DLG2: variants seen among roughly 807,000 people sequenced by gnomAD.
The protein encoded by DLG2 is disks large homolog 2.
DLG2 carries 45 observed loss-of-function variants against 132.5 expected under a neutral mutation model. That is an observed-to-expected ratio of 0.34 (90% CI 0.27 to 0.44). DLG2 has a LOEUF of 0.44. DLG2 is among the 20% of genes least tolerant of loss of function. DLG2 has a pLI of 1.00. For synonymous variants in DLG2, 424 were observed against 419.6 expected, an observed-to-expected ratio of 1.01 and a Z score of -0.13; for missense variants, 1,045 against 1,196.9, an observed-to-expected ratio of 0.87 and a Z score of 1.87.
intron 8 of DLG2, among the ~76,000 whole-genome samples, chr11:84,192,864 T>G (rs2096440783): frequency 6.6e-6 from 1 of 152,210 alleles, no homozygotes. Flanking sequence ...ATGAATACAA[T>G]ACATATTCCT....
At chr11:85,063,088 T>C (rs1658431072) in intron 6 of DLG2, among the ~76,000 whole-genome samples, 2 of 151,880 alleles carry the variant, frequency 1.3e-5, no homozygotes, top group Non-Finnish European at 2.9e-5. Flanking sequence ...CTGAGTTTAC[T>C]GCACAGATTC....
chr11:84,115,834 T>C (rs971476966), intron 9 of DLG2, among the ~76,000 whole-genome samples: 1 of 152,192 alleles, frequency 6.6e-6, no homozygotes, highest in Non-Finnish European at 1.5e-5. Context: ...TAACTGCATA[T>C]ATATTGTATG....
At chr11:84,035,606 CTGGCAAACTA>C (rs1327186375) in intron 11 of DLG2, among the ~76,000 whole-genome samples, 7 of 152,232 alleles carry the variant, frequency 4.6e-5, no homozygotes, top group Non-Finnish European at 7.4e-5. Context: ...TAGCCAGGGG[CTGGCAAACTA>C]TGGTAAGGCT....
chr11:84,592,836 G>T (rs959681928), intron 6 of DLG2, among the ~76,000 whole-genome samples: 2 of 145,232 alleles, frequency 1.4e-5, no homozygotes, highest in African/African-American at 5.1e-5. Flanking sequence ...AGGATTACAG[G>T]CCTGTAATCC....
intron 6 of DLG2, among the ~76,000 whole-genome samples, chr11:84,737,977 T>C (rs1668434681): frequency 6.6e-6 from 1 of 152,094 alleles, no homozygotes; most frequent in Non-Finnish European, 1.5e-5. Context: ...TTGGGGATTT[T>C]ATTTGTTTGT....
chr11:84,856,785 T>C (rs2082842352), intron 6 of DLG2, among the ~76,000 whole-genome samples: 1 of 152,058 alleles, frequency 6.6e-6, no homozygotes, highest in Non-Finnish European at 1.5e-5. Flanking sequence ...CCTCTCCTAG[T>C]GTCTGCCTTC....
chr11:84,744,230 T>C (rs1454674466), intron 6 of DLG2, among the ~76,000 whole-genome samples: 2 of 152,190 alleles, frequency 1.3e-5, no homozygotes. Context: ...TATTGAATAA[T>C]GAGAAAATGA....
intron 7 of DLG2, among the ~76,000 whole-genome samples, chr11:84,375,473 T>G (rs756078207): frequency 6.6e-5 from 10 of 152,156 alleles, no homozygotes; most frequent in Non-Finnish European, 1.2e-4. Context: ...ACTTTACATT[T>G]AGTTTTTTAT....
chr11:84,816,631 A>C (rs1482594811), intron 6 of DLG2, among the ~76,000 whole-genome samples: 2 of 151,944 alleles, frequency 1.3e-5, no homozygotes, highest in Non-Finnish European at 2.9e-5. Flanking sequence ...CCTGCAAGAA[A>C]GCTGTTATTA....
At chr11:85,466,265 G>A (rs1357492716) in intron 3 of DLG2, among the ~76,000 whole-genome samples, 1 of 152,188 alleles carries the variant, frequency 6.6e-6, no homozygotes, top group Non-Finnish European at 1.5e-5. Context: ...TAGGTTGCCT[G>A]TTCACTCTGA....
intron 6 of DLG2, among the ~76,000 whole-genome samples, chr11:84,768,746 G>A (rs11234166): frequency 6.6e-6 from 1 of 151,900 alleles, no homozygotes; most frequent in African/African-American, 2.4e-5. Context: ...ATTAGAAATT[G>A]GTGGATTCTA....
chr11:84,475,895 A>G (rs1413280974), intron 7 of DLG2, among the ~76,000 whole-genome samples: 1 of 151,988 alleles, frequency 6.6e-6, no homozygotes. Context: ...AGGGGAGGTT[A>G]TATTTTTCCA....
chr11:84,937,191 T>A (rs1247612101), intron 6 of DLG2, among the ~76,000 whole-genome samples: 1 of 152,132 alleles, frequency 6.6e-6, no homozygotes, highest in East Asian at 1.9e-4. Flanking sequence ...TAGATAACTG[T>A]TAGATAAGAA....
intron 16 of DLG2, among the ~76,000 whole-genome samples, chr11:83,864,740 T>C (rs2062005064): frequency 6.6e-6 from 1 of 152,120 alleles, no homozygotes; most frequent in South Asian, 2.1e-4. Flanking sequence ...AACTCTCTTA[T>C]AATTGGTCAG....
chr11:84,058,229 AT>A (rs1178590550), intron 11 of DLG2, among the ~76,000 whole-genome samples: 2 of 152,152 alleles, frequency 1.3e-5, no homozygotes, highest in Non-Finnish European at 2.9e-5. Context: ...TACAGTGATT[AT>A]TTGGTCAAAA....
intron 6 of DLG2, among the ~76,000 whole-genome samples, chr11:84,562,178 G>C (rs1239817123): frequency 1.5e-5 from 2 of 133,890 alleles, no homozygotes; most frequent in African/African-American, 5.3e-5. Flanking sequence ...TCAGTCCCCT[G>C]TCTATGAGAA....
chr11:83,878,606 G>A (rs1313748502), intron 15 of DLG2, among the ~76,000 whole-genome samples: 3 of 152,054 alleles, frequency 2.0e-5, no homozygotes, highest in Admixed American at 6.6e-5. Context: ...CAACTTCCAC[G>A]TCAGTGACTT....
At chr11:85,481,206 G>A (rs960345747) in intron 3 of DLG2, among the ~76,000 whole-genome samples, 2 of 152,148 alleles carry the variant, frequency 1.3e-5, no homozygotes, top group Non-Finnish European at 2.9e-5. Flanking sequence ...TACACATAAC[G>A]TGCTCAAATG....
chr11:85,389,492 A>T (rs2086622452), intron 3 of DLG2, among the ~76,000 whole-genome samples: 1 of 152,198 alleles, frequency 6.6e-6, no homozygotes, highest in Non-Finnish European at 1.5e-5. Context: ...ACATTCAAAT[A>T]CAAGAAGCTC....
Sources: allele counts gnomAD v4.1 joint callset (sites outside exome capture counted in the v4.1 genomes callset), GRCh38; gene constraint gnomAD v4.1.1; transcripts MANE v1.5; gene names NCBI Gene and HGNC (gene_info 2026-07-23, HGNC 2026-07-21).